NTNG2: variants seen among roughly 807,000 people sequenced by gnomAD.
The protein encoded by NTNG2 is netrin G2.
A neutral mutation model predicts 47.6 loss-of-function variants in NTNG2; 15 were observed. The ratio of observed to expected loss-of-function variants is 0.32; its 90% CI spans 0.21 to 0.49. The LOEUF (loss-of-function observed/expected upper bound fraction) is 0.49, where lower values mean the gene tolerates loss of function less well. NTNG2 is among the 20% of genes least tolerant of loss of function. The pLI is 0.99. For synonymous variants in NTNG2, 307 were observed against 324.6 expected, an observed-to-expected ratio of 0.95 and a Z score of 0.58; for missense variants, 578 against 764.6, an observed-to-expected ratio of 0.76 and a Z score of 2.88.
At chr9:132,219,285 C>T (rs1452860722) in intron 3 of NTNG2, among the ~76,000 whole-genome samples, 1 of 150,386 alleles carries the variant, frequency 6.6e-6, no homozygotes, top group African/African-American at 2.4e-5. Flanking sequence ...TGAAATTATA[C>T]AAGATGGCTG....
chr9:132,172,044 G>A (rs1383875439), intron 2 of NTNG2, among the ~76,000 whole-genome samples: 1 of 152,240 alleles, frequency 6.6e-6, no homozygotes, highest in Non-Finnish European at 1.5e-5. Flanking sequence ...CACAAATGGT[G>A]ACACCGGGGC....
At chr9:132,175,315 G>A (rs1191278138) in intron 2 of NTNG2, among the ~76,000 whole-genome samples, 1 of 152,220 alleles carries the variant, frequency 6.6e-6, no homozygotes, top group Non-Finnish European at 1.5e-5. Context: ...CGCTCGCTAG[G>A]GTTAGGAAGG....
At chr9:132,179,287 A>T (rs1190518786) in intron 2 of NTNG2, among the ~76,000 whole-genome samples, 16 of 152,226 alleles carry the variant, frequency 1.1e-4, no homozygotes, top group Admixed American at 1.0e-3. Flanking sequence ...CTTCAGGGTC[A>T]GTGAGGGTGA....
chr9:132,241,347 G>T, intron 7 of NTNG2: 1 of 472,868 alleles, frequency 2.1e-6, no homozygotes, highest in East Asian at 4.1e-5. Flanking sequence ...GGCCTAGCGA[G>T]ACGGAGCTGG....
chr9:132,172,432 G>T (rs1315033489), intron 2 of NTNG2, among the ~76,000 whole-genome samples: 1 of 152,212 alleles, frequency 6.6e-6, no homozygotes, highest in Non-Finnish European at 1.5e-5. Context: ...TTCTCAATGG[G>T]AGCTATTAAT....
intron 4 of NTNG2, among the ~76,000 whole-genome samples, chr9:132,229,781 G>A (rs543152616): frequency 6.6e-6 from 1 of 152,320 alleles, no homozygotes. Flanking sequence ...ACATCCCACT[G>A]CCAATCCCAC....
intron 2 of NTNG2, among the ~76,000 whole-genome samples, chr9:132,181,176 T>C (rs1052844921): frequency 1.3e-5 from 2 of 151,202 alleles, no homozygotes; most frequent in African/African-American, 4.9e-5. Context: ...CTCGACCTCC[T>C]GGGCTCCAGT....
intron 7 of NTNG2, chr9:132,241,370 G>A: frequency 2.3e-6 from 1 of 438,724 alleles, no homozygotes; most frequent in South Asian, 2.7e-5. Context: ...GGTGGGCGGG[G>A]ACAGGATGCT....
intron 4 of NTNG2, among the ~76,000 whole-genome samples, chr9:132,228,049 C>T (rs755790722): frequency 2.0e-5 from 3 of 152,242 alleles, no homozygotes; most frequent in Non-Finnish European, 2.9e-5. Flanking sequence ...TGAGGCCCAG[C>T]GAACCTCGGG....
intron 2 of NTNG2, among the ~76,000 whole-genome samples, chr9:132,191,547 G>A (rs1337198707): frequency 2.6e-4 from 34 of 129,130 alleles, no homozygotes; most frequent in Admixed American, 2.5e-3. Flanking sequence ...ATGGAAAATG[G>A]GTATGTTAAC....
chr9:132,170,104 G>A (rs967783663), intron 2 of NTNG2, among the ~76,000 whole-genome samples: 2 of 152,146 alleles, frequency 1.3e-5, no homozygotes, highest in Non-Finnish European at 2.9e-5. Flanking sequence ...CCAGCCCACG[G>A]GAGCGCAAGC....
chr9:132,201,749 G>A (rs1299421896), intron 3 of NTNG2, among the ~76,000 whole-genome samples: 2 of 152,164 alleles, frequency 1.3e-5, no homozygotes, highest in Non-Finnish European at 2.9e-5. Flanking sequence ...TGTTATTAAC[G>A]GCTTCATGTG....
chr9:132,175,228 G>A (rs148200962), intron 2 of NTNG2, among the ~76,000 whole-genome samples: 295 of 152,300 alleles, frequency 1.9e-3, no homozygotes, highest in African/African-American at 6.3e-3. Flanking sequence ...GCATCTGACC[G>A]GTGAATATTC....
Position 132,182,848 on chromosome 9 carries a change from T to G in NTNG2, c.214-15118T>G, listed in dbSNP as rs988374363. On this transcript the variant is annotated intron_variant, in intron 2 of 7. Coordinates refer to ENST00000393229, the MANE Select transcript of NTNG2 (RefSeq NM_032536.4). This position sits in a 1 kb window ranked among gnomAD's most constrained non-coding sequence, Gnocchi z 4.2. Reference sequence around the variant, plus strand: ...CCACTCGGCTGGCTCTCAGCCGGGGTGCACACTGGACTTGCCTGGGAGCTT... The same window carrying G: ...CCACTCGGCTGGCTCTCAGCCGGGGGGCACACTGGACTTGCCTGGGAGCTT... 6.6e-6 allele frequency among the ~76,000 whole-genome samples: 1 copy of G among 151,956 alleles called. No homozygotes were observed. The highest frequency in any genetic ancestry group is 1.5e-5 in the Non-Finnish European group (1 of 67,980).
At chr9:132,186,360 T>C (rs1383351335) in intron 2 of NTNG2, among the ~76,000 whole-genome samples, 2 of 152,246 alleles carry the variant, frequency 1.3e-5, no homozygotes, top group East Asian at 3.8e-4. Context: ...AATCCACATA[T>C]GCCCAGGGCA....
chr9:132,191,079 G>A (rs1354448017), intron 2 of NTNG2, among the ~76,000 whole-genome samples: 1 of 152,206 alleles, frequency 6.6e-6, no homozygotes, highest in Non-Finnish European at 1.5e-5. Flanking sequence ...ACGTGGAGCT[G>A]ACTGTAGCAC....
chr9:132,241,000 G>A lies in NTNG2; in HGVS notation c.1313G>A (p.Cys438Tyr). 6.2e-7 allele frequency: 1 copy of A among 1,609,736 alleles called. No individual in the cohort carries two copies. Among genetic ancestry groups the A allele is most frequent in the Non-Finnish European group, 8.5e-7 (1 of 1,179,408 alleles). The change falls in exon 7 of 8, where the codon TGC (cysteine) becomes TAC (tyrosine). Residue 438 changes from cysteine to tyrosine, a missense_variant. By Grantham distance (194) the Cys-to-Tyr change is radical. Coordinates refer to ENST00000393229, the MANE Select transcript of NTNG2 (RefSeq NM_032536.4). ...CGCGAGGGCGCGGCGGGCCCCAAGT[G>A]CGACGACTGCCTCCCCACGCACTAC... ...ECREGAAGPK[C>Y]DDCLPTHYWR...
intron 7 of NTNG2, chr9:132,241,305 T>G: frequency 2.1e-6 from 1 of 480,664 alleles, no homozygotes; most frequent in South Asian, 2.6e-5. Flanking sequence ...AGGGGCCTGG[T>G]GAGATGGGGC....
intron 2 of NTNG2, among the ~76,000 whole-genome samples, chr9:132,186,231 C>T (rs1252867560): frequency 6.6e-6 from 1 of 152,128 alleles, no homozygotes; most frequent in Non-Finnish European, 1.5e-5. Context: ...GAGACAGACG[C>T]CCATGTGTCT....
Sources: gnomAD v4.1 joint callset for allele counts (sites outside exome capture counted in the v4.1 genomes callset) on GRCh38, gnomAD v4.1.1 for gene constraint, Gnocchi (gnomAD v3.1) non-coding constraint, MANE v1.5 for transcripts, NCBI Gene and HGNC (gene_info 2026-07-23, HGNC 2026-07-21) for gene names.